SENP5: variants seen among roughly 807,000 people sequenced by gnomAD.
SENP5 encodes sentrin-specific protease 5.
A neutral mutation model predicts 74.2 loss-of-function variants in SENP5; 21 were observed. The ratio of observed to expected loss-of-function variants is 0.28; its 90% CI spans 0.20 to 0.41. SENP5 has a LOEUF of 0.41. SENP5 is among the 10% of genes least tolerant of loss of function. The probability of loss-of-function intolerance (pLI) is 1.00; values close to 1 mark genes in which losing one functional copy is unlikely to be tolerated. For missense variants in SENP5, 717 were observed against 889.1 expected, an observed-to-expected ratio of 0.81 and a Z score of 2.46; for synonymous variants, 311 against 312.7, an observed-to-expected ratio of 0.99 and a Z score of 0.06.
At chr3:196,905,568 C>G (rs1429807765) in intron 6 of SENP5, among the ~76,000 whole-genome samples, 1 of 152,110 alleles carries the variant, frequency 6.6e-6, no homozygotes, top group East Asian at 1.9e-4. Flanking sequence ...GAAGTTCTTA[C>G]CTACATTTAG....
chr3:196,910,058 G>C (rs749835763), intron 6 of SENP5, among the ~76,000 whole-genome samples: 54 of 152,066 alleles, frequency 3.6e-4, no homozygotes, highest in Non-Finnish European at 6.2e-4. Context: ...AAAGTCTCAG[G>C]ATACAAAATC....
At chr3:196,872,349 C>A (rs1348465590) in intron 1 of SENP5, among the ~76,000 whole-genome samples, 2 of 152,214 alleles carry the variant, frequency 1.3e-5, no homozygotes, top group African/African-American at 4.8e-5. Flanking sequence ...TATTCAAGAA[C>A]CTTCAATGGC....
At chr3:196,922,925 T>A (rs1172673534) in intron 6 of SENP5, among the ~76,000 whole-genome samples, 1 of 152,146 alleles carries the variant, frequency 6.6e-6, no homozygotes. Flanking sequence ...CCTGATTTTT[T>A]ATTTTTTTGT....
Position 196,932,904 on chromosome 3 carries a change from C to T in SENP5, c.*1981C>T, listed in dbSNP as rs1014679423. Reference sequence around the variant, plus strand: ...ATTGTTCCTGTAAGAAAATCAACGCCGAGAGAGAGCTGCCCAAATCCAGTG... The same window carrying T: ...ATTGTTCCTGTAAGAAAATCAACGCTGAGAGAGAGCTGCCCAAATCCAGTG... On this transcript the variant is annotated 3_prime_UTR_variant, in exon 10 of 10. Transcript: ENST00000323460. 6 of 151,440 alleles carry T rather than the reference C, an allele frequency of 4.0e-5. No homozygotes were observed. Among genetic ancestry groups the T allele is most frequent in the South Asian group, 2.1e-4 (1 of 4,774 alleles). 9.4% of individuals were successfully genotyped at this position (151,440 alleles called of 1,614,324 possible).
intron 1 of SENP5, among the ~76,000 whole-genome samples, chr3:196,878,666 A>G (rs538166126): frequency 1.3e-5 from 2 of 152,110 alleles, no homozygotes; most frequent in Non-Finnish European, 2.9e-5. Context: ...ATCTCCGCTC[A>G]CTGCAATCTC....
intron 1 of SENP5, among the ~76,000 whole-genome samples, chr3:196,878,323 C>T (rs1365693425): frequency 3.3e-5 from 5 of 152,086 alleles, no homozygotes; most frequent in Non-Finnish European, 7.4e-5. Context: ...CTTTCTTCTC[C>T]CCGTAGACAT....
intron 6 of SENP5, among the ~76,000 whole-genome samples, chr3:196,912,378 A>C (rs184628736): frequency 9.6e-4 from 146 of 152,274 alleles, no homozygotes; most frequent in Middle Eastern, 3.4e-3. Flanking sequence ...CAATAAGAAC[A>C]CATGGACATA....
chr3:196,926,523 A>G (rs1419270206), intron 7 of SENP5, among the ~76,000 whole-genome samples: 1 of 151,754 alleles, frequency 6.6e-6, no homozygotes, highest in African/African-American at 2.4e-5. Context: ...GCTTATTCTG[A>G]GAACTTGAAG....
chr3:196,909,153 A>G (rs907936478), intron 6 of SENP5, among the ~76,000 whole-genome samples: 7 of 152,224 alleles, frequency 4.6e-5, no homozygotes, highest in Non-Finnish European at 5.9e-5. Flanking sequence ...AATAAACTAG[A>G]AAATCTAGAA....
chr3:196,917,750 CA>C (rs1312792400), intron 6 of SENP5, among the ~76,000 whole-genome samples: 2 of 152,276 alleles, frequency 1.3e-5, no homozygotes, highest in East Asian at 3.9e-4. Context: ...CTTTCCCAGA[CA>C]AACAAAAGCT....
rs146341567 is a variant in SENP5, at chr3:196,931,109, TC to T, written c.*187del. 70 of 563,530 alleles carry T rather than the reference TC, an allele frequency of 1.2e-4. No individual in the cohort carries two copies. Among genetic ancestry groups the T allele is most frequent in the African/African-American group, 1.1e-3 (58 of 53,220 alleles). 34.9% of individuals were successfully genotyped at this position (563,530 alleles called of 1,614,324 possible). A position where few individuals can be genotyped will look rare whatever the true frequency, so the allele number is the denominator to read the frequency against. On this transcript the variant is annotated 3_prime_UTR_variant, in exon 10 of 10. Coordinates refer to ENST00000323460, the MANE Select transcript of SENP5 (RefSeq NM_152699.5). The stretch of plus-strand genomic sequence containing the variant: ...GCTACCATGTACTATTGTTTAATGT[TC>T]AGTTTGGTTTCATTTTTAATTTTAT...
intron 7 of SENP5, among the ~76,000 whole-genome samples, chr3:196,926,284 C>A (rs575723647): frequency 6.6e-6 from 1 of 151,902 alleles, no homozygotes; most frequent in African/African-American, 2.4e-5. Flanking sequence ...GAGATAGAGA[C>A]CAGCCTGGCC....
chr3:196,917,638 AC>A (rs1490478445), intron 6 of SENP5, among the ~76,000 whole-genome samples: 3 of 152,254 alleles, frequency 2.0e-5, no homozygotes, highest in African/African-American at 7.2e-5. Flanking sequence ...TGGAAACTTT[AC>A]AGGCCAGGAG....
At position 196,890,777 on chromosome 3, in the gene SENP5, A is replaced by G. The variant is rs113934481; in HGVS notation, c.1513+4083A>G. ...GAACTGAAAAGAAAGGTCTGAGTCTAAAGTTGAAAGGCTTTGCAAGTGCCA... is the reference window on the plus strand; with the variant it reads ...GAACTGAAAAGAAAGGTCTGAGTCTGAAGTTGAAAGGCTTTGCAAGTGCCA... On this transcript the variant is annotated intron_variant, in intron 2 of 9. Transcript: ENST00000323460. 9.1e-3 allele frequency among the ~76,000 whole-genome samples: 1,386 copies of G among 152,340 alleles called. 9 individuals carry two copies. The highest frequency in any genetic ancestry group is 0.014 in the Non-Finnish European group (976 of 68,042).
chr3:196,930,703 T>G, intron 9 of SENP5, 110 bp from the exon 10 acceptor site: 1 of 712,394 alleles, frequency 1.4e-6, no homozygotes, highest in Non-Finnish European at 2.5e-6. Context: ...GCCAAAAAGG[T>G]TGGGGTCTTC....
intron 6 of SENP5, among the ~76,000 whole-genome samples, chr3:196,919,516 AG>A (rs145870337): frequency 6.6e-6 from 1 of 152,116 alleles, no homozygotes; most frequent in African/African-American, 2.4e-5. Context: ...GTGACCAACC[AG>A]GGGCGGTGGC....
At chr3:196,878,048 A>G (rs1713558806) in intron 1 of SENP5, among the ~76,000 whole-genome samples, 1 of 152,204 alleles carries the variant, frequency 6.6e-6, no homozygotes, top group South Asian at 2.1e-4. Flanking sequence ...CCCTCTAGAT[A>G]ACAAAGAACA....
chr3:196,916,752 CCT>C (rs1715395066), intron 6 of SENP5, among the ~76,000 whole-genome samples: 3 of 151,626 alleles, frequency 2.0e-5, no homozygotes, highest in Admixed American at 6.6e-5. Flanking sequence ...GTCTCAAACT[CCT>C]GACCTTGTGA....
rs147350618 is a variant in SENP5, at chr3:196,892,250, T to C, written c.1513+5556T>C. Among the ~76,000 whole-genome samples the C allele has an allele frequency of 1.2e-3, 190 of 152,224 alleles. 7 individuals carry two copies. The East Asian group carries it at 0.031, about 25-fold the overall frequency. ...ACTCCGCCTCCCGGGTTCAAGCGAT[T>C]CTCGTGCCTCAGCCTCTGGAGTAGC... On this transcript the variant is annotated intron_variant, in intron 2 of 9. Transcript: ENST00000323460.
Sources: allele counts gnomAD v4.1 joint callset (sites outside exome capture counted in the v4.1 genomes callset), GRCh38; gene constraint gnomAD v4.1.1; transcripts MANE v1.5; gene names NCBI Gene and HGNC (gene_info 2026-07-23, HGNC 2026-07-21).